LRRIQ1: variants seen among roughly 807,000 people sequenced by gnomAD.
The protein encoded by LRRIQ1 is leucine-rich repeat- and IQ domain-containing protein 1.
In LRRIQ1, 210 loss-of-function variants were observed where a neutral mutation model predicts 211.9. The ratio of observed to expected loss-of-function variants is 0.99; its 90% CI spans 0.89 to 1.11. The LOEUF (loss-of-function observed/expected upper bound fraction) is 1.11. Ranked by LOEUF, LRRIQ1 falls within the 50% of genes most tolerant of loss-of-function variation. The pLI, the probability that LRRIQ1 is intolerant of heterozygous loss-of-function variation, is 0.00. For synonymous variants in LRRIQ1, 699 were observed against 650.1 expected (o/e 1.08, Z -1.14); for missense variants, 2,136 against 1,939.5 (o/e 1.10, Z -1.90).
intron 24 of LRRIQ1, among the ~76,000 whole-genome samples, chr12:85,194,700 A>AGTG (rs1485668227): frequency 1.3e-5 from 2 of 152,178 alleles, no homozygotes; most frequent in Non-Finnish European, 2.9e-5. Context: ...TATAGCACTA[A>AGTG]GTGCCCACAA....
chr12:85,174,723 A>AAAAAAAAAAAAAAC (rs1891602304), intron 24 of LRRIQ1, among the ~76,000 whole-genome samples: 1 of 148,374 alleles, frequency 6.7e-6, no homozygotes, highest in African/African-American at 2.5e-5. Context: ...AAAAAAAAAA[A>AAAAAAAAAAAAAAC]TCTGAGATCC....
chr12:85,144,365 C>A (rs1419114541), intron 19 of LRRIQ1, among the ~76,000 whole-genome samples: 1 of 151,372 alleles, frequency 6.6e-6, no homozygotes, highest in Non-Finnish European at 1.5e-5. Flanking sequence ...ACAATAAATA[C>A]ATATATAAAT....
At chr12:85,258,540 T>TA (rs1471096322) in intron 1 of LRRIQ1, among the ~76,000 whole-genome samples, 1 of 151,956 alleles carries the variant, frequency 6.6e-6, no homozygotes, top group African/African-American at 2.4e-5. Context: ...AAGTTCACTA[T>TA]AAATGATTAT....
chr12:85,181,031 T>G (rs1592932227), intron 24 of LRRIQ1, among the ~76,000 whole-genome samples: 1 of 151,870 alleles, frequency 6.6e-6, no homozygotes, highest in South Asian at 2.1e-4. Context: ...GCAGGTTTAA[T>G]CCACATGTCT....
rs566115188 is a variant in LRRIQ1 at position 85,227,541 on chromosome 12, T to G, written c.4823-1976T>G. On this transcript the variant is annotated intron_variant, in intron 24 of 26. Coordinates refer to ENST00000393217, the MANE Select transcript of LRRIQ1 (RefSeq NM_001079910.2). ...GGTTGTTTGATTTTTTCTTGTAAAT[T>G]TGTTTAAGTTCTCATGAATAGGAAG... Among the ~76,000 whole-genome samples, 3 of 152,264 alleles carry G rather than the reference T, an allele frequency of 2.0e-5. No homozygotes were observed. The East Asian group carries it at 5.8e-4, about 29-fold the overall frequency.
intron 7 of LRRIQ1, among the ~76,000 whole-genome samples, chr12:85,053,841 G>C (rs1278002308): frequency 6.6e-6 from 1 of 152,084 alleles, no homozygotes; most frequent in Non-Finnish European, 1.5e-5. Context: ...CCGAGTAGCT[G>C]GGACTACAGG....
chr12:85,154,326 G>C (rs940399647), intron 23 of LRRIQ1, among the ~76,000 whole-genome samples: 1 of 150,870 alleles, frequency 6.6e-6, no homozygotes, highest in East Asian at 1.9e-4. Context: ...TATATACTTT[G>C]CTATTGATTG....
chr12:85,150,781 G>A (rs555578531), intron 19 of LRRIQ1, among the ~76,000 whole-genome samples: 7 of 97,874 alleles, frequency 7.2e-5, no homozygotes, highest in South Asian at 2.6e-4. Context: ...TTCCAATAAC[G>A]CATTTTTTTT....
intron 1 of LRRIQ1, among the ~76,000 whole-genome samples, chr12:85,257,406 A>G (rs1265294223): frequency 6.7e-6 from 1 of 150,244 alleles, no homozygotes; most frequent in African/African-American, 2.4e-5. Flanking sequence ...TTGGGAATAG[A>G]CCTTTCCCAA....
chr12:85,195,461 A>G (rs1015419716), intron 24 of LRRIQ1, among the ~76,000 whole-genome samples: 11 of 151,928 alleles, frequency 7.2e-5, no homozygotes, highest in African/African-American at 2.4e-4. Flanking sequence ...CAGCACATCA[A>G]AAAGCTTATC....
intron 14 of LRRIQ1, among the ~76,000 whole-genome samples, chr12:85,106,230 G>A (rs1886773644): frequency 6.6e-6 from 1 of 152,076 alleles, no homozygotes; most frequent in African/African-American, 2.4e-5. Flanking sequence ...ACTATTCTAA[G>A]TCTTTTACAC....
chr12:85,217,404 G>A (rs1894139726), intron 24 of LRRIQ1, among the ~76,000 whole-genome samples: 1 of 141,390 alleles, frequency 7.1e-6, no homozygotes, highest in African/African-American at 2.7e-5. Flanking sequence ...ATGTAAATCA[G>A]TAGAATTAGA....
At chr12:85,039,838 T>TTCCTAGATGC (rs1243436969) in intron 2 of LRRIQ1, among the ~76,000 whole-genome samples, 45 of 151,814 alleles carry the variant, frequency 3.0e-4, no homozygotes, top group African/African-American at 1.1e-3. Flanking sequence ...ATTAAAGTTG[T>TTCCTAGATGC]TCCTAGATGC....
intron 2 of LRRIQ1, 78 bp from the exon 3 acceptor site, chr12:85,040,412 G>A: frequency 1.4e-6 from 1 of 730,460 alleles, no homozygotes; most frequent in Non-Finnish European, 2.2e-6. Context: ...TTTTGCTGTG[G>A]AATGAAGGGT....
chr12:85,142,583 T>C (rs1325299271), intron 19 of LRRIQ1, among the ~76,000 whole-genome samples: 1 of 151,526 alleles, frequency 6.6e-6, no homozygotes, highest in Non-Finnish European at 1.5e-5. Flanking sequence ...AGTGAAATTT[T>C]GTATGCTGTG....
intron 24 of LRRIQ1, among the ~76,000 whole-genome samples, chr12:85,189,455 CAAA>C (rs1035325737): frequency 6.6e-6 from 1 of 151,538 alleles, no homozygotes; most frequent in Non-Finnish European, 1.5e-5. Context: ...TAGGGAAAAA[CAAA>C]AAACAAGTGA....
intron 8 of LRRIQ1, among the ~76,000 whole-genome samples, chr12:85,059,674 A>G (rs1214864628): frequency 6.6e-6 from 1 of 152,030 alleles, no homozygotes; most frequent in Non-Finnish European, 1.5e-5. Context: ...ACCTGATTAT[A>G]GGATGGATGA....
intron 24 of LRRIQ1, among the ~76,000 whole-genome samples, chr12:85,212,253 C>G (rs1434227317): frequency 6.6e-6 from 1 of 152,002 alleles, no homozygotes; most frequent in Non-Finnish European, 1.5e-5. Flanking sequence ...CACCACTGCA[C>G]TCCAACCTGG....
intron 24 of LRRIQ1, among the ~76,000 whole-genome samples, chr12:85,198,345 A>G (rs1197722342): frequency 6.6e-6 from 1 of 150,838 alleles, no homozygotes; most frequent in South Asian, 2.1e-4. Flanking sequence ...TTGCTGAGGT[A>G]AATGGTAATT....
Sources: gnomAD v4.1 joint callset for allele counts (sites outside exome capture counted in the v4.1 genomes callset) on GRCh38, gnomAD v4.1.1 for gene constraint, MANE v1.5 for transcripts, NCBI Gene and HGNC (gene_info 2026-07-23, HGNC 2026-07-21) for gene names.